STK32C: variants seen among roughly 807,000 people sequenced by gnomAD.
The protein encoded by STK32C is serine/threonine-protein kinase 32C.
Under a neutral mutation model 56.5 loss-of-function variants are expected in STK32C, and 31 were observed. The observed-to-expected ratio is 0.55, with a 90% CI of 0.41 to 0.74. The LOEUF (loss-of-function observed/expected upper bound fraction) is 0.74. STK32C is among the 30% of genes least tolerant of loss of function. The probability of loss-of-function intolerance (pLI) is 0.00; values close to 1 mark genes in which losing one functional copy is unlikely to be tolerated. For synonymous variants in STK32C, 309 were observed against 289.4 expected (o/e 1.07, Z -0.69); for missense variants, 544 against 676.9 (o/e 0.80, Z 2.18).
chr10:132,247,366 C>A (rs2063730903), intron 1 of STK32C, among the ~76,000 whole-genome samples: 1 of 152,238 alleles, frequency 6.6e-6, no homozygotes. Context: ...ATAGACGCAG[C>A]AGGCAAAGTG....
chr10:132,296,225 A>G (rs1463104878), intron 1 of STK32C, among the ~76,000 whole-genome samples: 1 of 151,826 alleles, frequency 6.6e-6, no homozygotes, highest in Non-Finnish European at 1.5e-5. Context: ...CAAACTGTCA[A>G]GGTCATAAAA....
At chr10:132,254,105 C>T (rs907124178) in intron 1 of STK32C, among the ~76,000 whole-genome samples, 1 of 152,144 alleles carries the variant, frequency 6.6e-6, no homozygotes, top group Non-Finnish European at 1.5e-5. Flanking sequence ...GTCAGGAGAT[C>T]GAGACCATCC....
chr10:132,301,989 C>T (rs1018889825), intron 1 of STK32C, among the ~76,000 whole-genome samples: 9 of 152,202 alleles, frequency 5.9e-5, no homozygotes, highest in Non-Finnish European at 1.2e-4. Context: ...GCGCTGGCAC[C>T]GCCTGGGGCC....
At chr10:132,297,293 C>T (rs1189088032) in intron 1 of STK32C, among the ~76,000 whole-genome samples, 2 of 152,216 alleles carry the variant, frequency 1.3e-5, no homozygotes, top group Non-Finnish European at 2.9e-5. Flanking sequence ...AGCCAGTCCT[C>T]GCTGCCACCC....
chr10:132,264,285 A>G (rs2064416977), intron 1 of STK32C, among the ~76,000 whole-genome samples: 1 of 152,248 alleles, frequency 6.6e-6, no homozygotes, highest in African/African-American at 2.4e-5. Flanking sequence ...TAAGTGGCCC[A>G]CAATCAGTTG....
intron 7 of STK32C, 109 bp downstream of exon 7, chr10:132,225,124 G>C (rs1399219847): frequency 7.6e-6 from 6 of 790,118 alleles, no homozygotes; most frequent in Non-Finnish European, 1.2e-5. Context: ...ACACAGTGGA[G>C]ACATCCCTGC....
chr10:132,321,901 C>T (rs1428906156), downstream of STK32C, among the ~76,000 whole-genome samples: 1 of 152,146 alleles, frequency 6.6e-6, no homozygotes, highest in Non-Finnish European at 1.5e-5. Context: ...GCACCTGTGT[C>T]CTGGTGCACG....
chr10:132,269,237 C>CTG (rs35082499), intron 1 of STK32C, among the ~76,000 whole-genome samples: 4 of 151,864 alleles, frequency 2.6e-5, no homozygotes, highest in Non-Finnish European at 5.9e-5. Flanking sequence ...GTGCATGTGT[C>CTG]TGTGTCTCCG....
rs1223040750 is a variant in STK32C at position 132,317,967 on chromosome 10, CA to C, written c.301+13468del. Among the ~76,000 whole-genome samples, 486 of 55,594 alleles carry C rather than the reference CA, an allele frequency of 8.7e-3. 1 individual carries two copies. Among genetic ancestry groups the C allele is most frequent in the Middle Eastern group, 0.023 (2 of 86 alleles). The allele number at this position is 55,594 out of a possible 152,430, so 36.5% of individuals were successfully genotyped here. The stretch of plus-strand genomic sequence containing the variant: ...CACTCCAGCCTGTGAGACTCTGTCT[CA>C]AAAAAAAAAAAAAAAAAAAGTCTGG... On this transcript the variant is annotated intron_variant, in intron 1 of 3. Coordinates refer to the STK32C transcript ENST00000368620.
chr10:132,308,692 C>T (rs2066159501), upstream of STK32C, among the ~76,000 whole-genome samples: 1 of 152,190 alleles, frequency 6.6e-6, no homozygotes, highest in Non-Finnish European at 1.5e-5. Context: ...TCGCGACCCC[C>T]GTCCGGCCTG....
intron 2 of STK32C, among the ~76,000 whole-genome samples, chr10:132,238,741 A>G (rs116205416): frequency 0.032 from 4,814 of 152,288 alleles, 263 homozygotes; most frequent in African/African-American, 0.11. Context: ...CCCTGACATT[A>G]AAGCGTTGGA....
chr10:132,282,921 T>C (rs1414813186), intron 1 of STK32C, among the ~76,000 whole-genome samples: 1 of 152,170 alleles, frequency 6.6e-6, no homozygotes, highest in African/African-American at 2.4e-5. Context: ...GTGTTGTCAT[T>C]TCCTGTCACA....
chr10:132,228,310 T>A, intron 2 of STK32C, 182 bp from the exon 3 acceptor site: 2 of 687,536 alleles, frequency 2.9e-6, no homozygotes, highest in Non-Finnish European at 5.1e-6. Context: ...CCACATATGG[T>A]AACATATTTG....
chr10:132,220,757 G>A (rs2062611757), intron 10 of STK32C, among the ~76,000 whole-genome samples: 1 of 152,144 alleles, frequency 6.6e-6, no homozygotes, highest in Admixed American at 6.5e-5. Flanking sequence ...TCACACTCTG[G>A]GGAGACCCAG....
At position 132,279,268 on chromosome 10, in the gene STK32C, A is replaced by G. The variant is rs1442776148; in HGVS notation, c.262+28304T>C. On this transcript the variant is annotated intron_variant, in intron 1 of 11. Coordinates refer to ENST00000298630, the MANE Select transcript of STK32C (RefSeq NM_173575.4). Reference sequence around the variant, plus strand: ...GGGCTACCCGTGTCCATAACAGGCGAGGTGACATGACCATGTTACGGCCAT... The same window carrying G: ...GGGCTACCCGTGTCCATAACAGGCGGGGTGACATGACCATGTTACGGCCAT... Among the ~76,000 whole-genome samples, 3 of 152,322 alleles carry G rather than the reference A, an allele frequency of 2.0e-5. No individual in the cohort carries two copies. The East Asian group carries it at 5.8e-4, about 29-fold the overall frequency.
At chr10:132,308,089 C>T (rs1367666333), upstream of STK32C, 7 of 107,786 alleles carry the variant, frequency 6.5e-5, no homozygotes, top group Middle Eastern at 5.1e-3. Context: ...AGGTGCGGAG[C>T]TTCGGGAAGG....
At chr10:132,275,098 G>A (rs2064956620) in intron 1 of STK32C, among the ~76,000 whole-genome samples, 1 of 152,172 alleles carries the variant, frequency 6.6e-6, no homozygotes, top group African/African-American at 2.4e-5. Flanking sequence ...GAAGCACCCA[G>A]GGGGCCCAGG....
At chr10:132,266,407 G>A (rs567121568) in intron 1 of STK32C, among the ~76,000 whole-genome samples, 1 of 152,120 alleles carries the variant, frequency 6.6e-6, no homozygotes, top group Non-Finnish European at 1.5e-5. Flanking sequence ...TGGTTACACA[G>A]GTGTGCCCAT....
At chr10:132,280,479 T>A (rs546865455) in intron 1 of STK32C, among the ~76,000 whole-genome samples, 19 of 140,472 alleles carry the variant, frequency 1.4e-4, no homozygotes, top group Admixed American at 3.6e-4. Flanking sequence ...CTGCACTCCG[T>A]GATCATGCCA....
Sources: allele counts gnomAD v4.1 joint callset (sites outside exome capture counted in the v4.1 genomes callset), GRCh38; gene constraint gnomAD v4.1.1; transcripts MANE v1.5; gene names NCBI Gene and HGNC (gene_info 2026-07-23, HGNC 2026-07-21).